ZNF146: variants seen among roughly 807,000 people sequenced by gnomAD.
The protein encoded by ZNF146 is zinc finger protein 146, also known as zinc finger protein OZF.
In ZNF146, 9 loss-of-function variants were observed where a neutral mutation model predicts 22.2. The observed-to-expected ratio is 0.41, with a 90% CI of 0.24 to 0.71. ZNF146 has a LOEUF of 0.71. Ranked by LOEUF, ZNF146 falls within the 30% of genes least tolerant of loss-of-function variation. The probability of loss-of-function intolerance (pLI) is 0.34; values close to 1 mark genes in which losing one functional copy is unlikely to be tolerated. For synonymous variants in ZNF146, 108 were observed against 119.2 expected, an observed-to-expected ratio of 0.91 and a Z score of 0.61; for missense variants, 194 against 344.8, an observed-to-expected ratio of 0.56 and a Z score of 3.46.
intron 2 of ZNF146, among the ~76,000 whole-genome samples, chr19:36,228,174 A>AAAAAAAG (rs1555742407): frequency 6.9e-6 from 1 of 144,220 alleles, no homozygotes; most frequent in African/African-American, 2.6e-5. Context: ...AAAAAAAAAA[A>AAAAAAAG]AAAGAAAGAA....
chr19:36,224,324 G>A (rs1316302425), intron 2 of ZNF146, among the ~76,000 whole-genome samples: 2 of 152,218 alleles, frequency 1.3e-5, no homozygotes, highest in African/African-American at 2.4e-5. Flanking sequence ...GGAGGTTGCA[G>A]TGAGCTGAGA....
intron 3 of ZNF146, among the ~76,000 whole-genome samples, chr19:36,233,515 A>T (rs1263352127): frequency 6.6e-6 from 1 of 152,010 alleles, no homozygotes; most frequent in African/African-American, 2.4e-5. Flanking sequence ...TCTCAAGAGG[A>T]CCGGCCTCTT....
intron 2 of ZNF146, among the ~76,000 whole-genome samples, chr19:36,225,623 T>C (rs1274502419): frequency 6.6e-6 from 1 of 152,052 alleles, no homozygotes; most frequent in African/African-American, 2.4e-5. Context: ...GCTAGTTTTT[T>C]TGTATTTTTT....
In ZNF146 at chr19:36,237,429, TA is replaced by T; in HGVS notation, c.*112del. ...AAAGCACCACGAATGAGGTTAACTT[TA>T]ACAAGTACTAAAAACTTAAGGGACA... On this transcript the variant is annotated 3_prime_UTR_variant, in exon 4 of 4. Transcript: ENST00000443387. 7.4e-7 allele frequency: 1 copy of T among 1,354,258 alleles called. No homozygotes were observed. The highest frequency in any genetic ancestry group is 9.9e-7 in the Non-Finnish European group (1 of 1,013,212). The allele number at this position is 1,354,258 out of a possible 1,614,324, so 83.9% of individuals were successfully genotyped here.
intron 2 of ZNF146, 56 bp downstream of exon 2, chr19:36,218,251 C>G (rs1194919181): frequency 6.6e-6 from 1 of 151,902 alleles, no homozygotes; most frequent in Admixed American, 6.6e-5. Context: ...GAAATAATAG[C>G]AATATTTGAT....
intron 2 of ZNF146, among the ~76,000 whole-genome samples, chr19:36,225,422 T>C (rs556612317): frequency 6.6e-6 from 1 of 152,222 alleles, no homozygotes; most frequent in Non-Finnish European, 1.5e-5. Context: ...TTGTGGTCTA[T>C]TTATAGCTTT....
chr19:36,221,411 C>A (rs1370026475), intron 2 of ZNF146, among the ~76,000 whole-genome samples: 1 of 151,200 alleles, frequency 6.6e-6, no homozygotes, highest in Non-Finnish European at 1.5e-5. Flanking sequence ...GCCTCAGCCT[C>A]CCGAGTAGCT....
chr19:36,227,958 C>G (rs566915447), intron 2 of ZNF146, among the ~76,000 whole-genome samples: 1 of 151,980 alleles, frequency 6.6e-6, no homozygotes, highest in Non-Finnish European at 1.5e-5. Context: ...GTCAGGAGTT[C>G]GAGACCAGCC....
chr19:36,227,726 G>A (rs941069920), intron 2 of ZNF146, among the ~76,000 whole-genome samples: 1 of 152,086 alleles, frequency 6.6e-6, no homozygotes, highest in African/African-American at 2.4e-5. Flanking sequence ...AGCTAATTTT[G>A]TATTTTTATA....
At chr19:36,228,173 AAAAAG>A (rs1349866698) in intron 2 of ZNF146, among the ~76,000 whole-genome samples, 11 of 148,548 alleles carry the variant, frequency 7.4e-5, no homozygotes, top group East Asian at 2.0e-4. Flanking sequence ...AAAAAAAAAA[AAAAAG>A]AAAGAATTTC....
At chr19:36,227,578 C>G (rs1977128898) in intron 2 of ZNF146, among the ~76,000 whole-genome samples, 1 of 151,986 alleles carries the variant, frequency 6.6e-6, no homozygotes, top group South Asian at 2.1e-4. Context: ...AATGGATGAA[C>G]CTGTATTCCA....
chr19:36,224,072 T>C (rs1976972895), intron 2 of ZNF146, among the ~76,000 whole-genome samples: 2 of 152,326 alleles, frequency 1.3e-5, no homozygotes, highest in South Asian at 4.1e-4. Flanking sequence ...CCACGTTCTT[T>C]GACATCATTT....
At chr19:36,230,291 AT>A (rs1439061635) in intron 3 of ZNF146, among the ~76,000 whole-genome samples, 1 of 152,204 alleles carries the variant, frequency 6.6e-6, no homozygotes, top group Non-Finnish European at 1.5e-5. Flanking sequence ...ATTGCATGAT[AT>A]GTATTAGGTA....
intron 2 of ZNF146, among the ~76,000 whole-genome samples, chr19:36,221,927 C>CTTTTTTTTTTTTTT (rs60347994): frequency 2.7e-5 from 3 of 109,888 alleles, no homozygotes; most frequent in South Asian, 3.1e-4. Context: ...TTTTTTCTTT[C>CTTTTTTTTTTTTTT]TTTTTTTTTT....
intron 1 of ZNF146, among the ~76,000 whole-genome samples, chr19:36,217,754 C>T (rs1041246558): frequency 1.3e-4 from 19 of 151,924 alleles, no homozygotes; most frequent in African/African-American, 4.4e-4. Context: ...CGTGGCGGCA[C>T]ATGCCTGTTA....
chr19:36,233,523 C>G (rs1454706632), intron 3 of ZNF146, among the ~76,000 whole-genome samples: 2 of 151,912 alleles, frequency 1.3e-5, no homozygotes, highest in African/African-American at 4.8e-5. Flanking sequence ...GGACCGGCCT[C>G]TTGAGTTCCC....
intron 2 of ZNF146, among the ~76,000 whole-genome samples, chr19:36,221,663 T>C (rs1263143717): frequency 1.3e-5 from 2 of 152,214 alleles, no homozygotes; most frequent in Non-Finnish European, 2.9e-5. Flanking sequence ...AACAAAGATC[T>C]ATCTCACAGA....
chr19:36,215,316 G>T (rs1343818621), intron 1 of ZNF146, 120 bp downstream of exon 1: 1 of 152,332 alleles, frequency 6.6e-6, no homozygotes, highest in Non-Finnish European at 1.5e-5. Flanking sequence ...CTACGTGCGG[G>T]GCGGAGATGG....
intron 3 of ZNF146, among the ~76,000 whole-genome samples, chr19:36,234,253 A>G (rs900419939): frequency 6.6e-6 from 1 of 152,210 alleles, no homozygotes; most frequent in African/African-American, 2.4e-5. Context: ...TTCTTAGTAC[A>G]GAACAAAATG....
Sources: gnomAD v4.1 joint callset for allele counts (sites outside exome capture counted in the v4.1 genomes callset) on GRCh38, gnomAD v4.1.1 for gene constraint, MANE v1.5 for transcripts, NCBI Gene and HGNC (gene_info 2026-07-23, HGNC 2026-07-21) for gene names.